Variants in VPS13B observed in about 807,000 individuals in gnomAD.
VPS13B encodes vacuolar protein sorting 13 homolog B.
In VPS13B, 285 loss-of-function variants were observed where a neutral mutation model predicts 426.4. The observed-to-expected ratio is 0.67, with a 90% CI of 0.61 to 0.74. The LOEUF is 0.74. Ranked by LOEUF, VPS13B falls within the 30% of genes least tolerant of loss-of-function variation. VPS13B has a pLI of 0.00. For synonymous variants in VPS13B, 1,676 were observed against 1,676.4 expected, an observed-to-expected ratio of 1.00 and a Z score of 0.01; for missense variants, 4,537 against 4,782.6, an observed-to-expected ratio of 0.95 and a Z score of 1.51.
Position 99,286,971 on chromosome 8 carries a change from A to T in VPS13B, c.2824+11717A>T, listed in dbSNP as rs544235698. 5.9e-5 allele frequency among the ~76,000 whole-genome samples: 9 copies of T among 152,238 alleles called. No homozygotes were observed. In the East Asian group the frequency reaches 1.5e-3, roughly 26 times the overall value. ...ACCTTAACTTGAGTTTTACTTTTCA[A>T]ATATTGCCGTACTAGGTTCCTTTCA... On this transcript the variant is annotated intron_variant, in intron 19 of 61. Transcript: ENST00000357162.
intron 39 of VPS13B, among the ~76,000 whole-genome samples, chr8:99,740,679 A>G (rs1809666769): frequency 6.6e-6 from 1 of 152,216 alleles, no homozygotes; most frequent in Non-Finnish European, 1.5e-5. Context: ...CAACATTCTT[A>G]AAGAAAAGAA....
intron 14 of VPS13B, among the ~76,000 whole-genome samples, chr8:99,148,499 ATAAACT>A (rs1346928820): frequency 1.1e-4 from 17 of 152,154 alleles, no homozygotes; most frequent in South Asian, 4.1e-4. Flanking sequence ...TTTTAATAAA[ATAAACT>A]TAATCTTGAG....
intron 23 of VPS13B, among the ~76,000 whole-genome samples, chr8:99,443,481 A>G (rs770538534): frequency 6.6e-6 from 1 of 152,172 alleles, no homozygotes; most frequent in Non-Finnish European, 1.5e-5. Context: ...TCATTAAAAG[A>G]AAACATGATT....
intron 29 of VPS13B, among the ~76,000 whole-genome samples, chr8:99,518,246 A>G (rs1217546354): frequency 6.6e-6 from 1 of 152,160 alleles, no homozygotes; most frequent in African/African-American, 2.4e-5. Flanking sequence ...AAATATACTA[A>G]TTGCACCTTT....
chr8:99,166,045 T>C (rs1254955235), intron 15 of VPS13B, among the ~76,000 whole-genome samples: 1 of 152,232 alleles, frequency 6.6e-6, no homozygotes, highest in Non-Finnish European at 1.5e-5. Context: ...AATGGCACGA[T>C]CTTGGCTCAC....
chr8:99,500,455 A>G lies in VPS13B; in HGVS notation c.3871-1232A>G, dbSNP rs541353317. On this transcript the variant is annotated intron_variant, in intron 25 of 61. Coordinates refer to ENST00000357162, the MANE Select transcript of VPS13B (RefSeq NM_152564.5). The stretch of plus-strand genomic sequence containing the variant: ...TTCTATGTGTATATTCTTCATTCAC[A>G]TTCATATTTCTATTTAATCTTAACT... Among the ~76,000 whole-genome samples, 8 of 152,284 alleles carry G rather than the reference A, an allele frequency of 5.3e-5. No individual in the cohort carries two copies. The South Asian group carries it at 1.5e-3, about 28-fold the overall frequency.
At chr8:99,784,088 T>G (rs1209746411) in intron 42 of VPS13B, among the ~76,000 whole-genome samples, 2 of 152,202 alleles carry the variant, frequency 1.3e-5, no homozygotes, top group East Asian at 3.8e-4. Flanking sequence ...ATGATTTATT[T>G]TGAGGGAGTA....
chr8:99,188,349 T>G (rs1295090346), intron 16 of VPS13B, among the ~76,000 whole-genome samples: 1 of 152,210 alleles, frequency 6.6e-6, no homozygotes, highest in Admixed American at 6.5e-5. Context: ...CTTTTTGGTC[T>G]GACTTCTTTC....
Position 99,870,802 on chromosome 8 carries a change from G to A in VPS13B, c.11410G>A (p.Gly3804Arg). 1.2e-6 allele frequency: 2 copies of A among 1,614,130 alleles called. No individual in the cohort carries two copies. Among genetic ancestry groups the A allele is most frequent in the Non-Finnish European group, 1.7e-6 (2 of 1,180,002 alleles). Reference sequence around the variant, plus strand: ...TACCACAGGTATTTTACATGGAGCTGGACTTTCTCAGCTTCCCAAACAGCG... The same window carrying A: ...TACCACAGGTATTTTACATGGAGCTAGACTTTCTCAGCTTCCCAAACAGCG... The part of the protein sequence containing the change: ...QTGYGILHGA[G>R]LSQLPKQRHQ... The change falls in exon 60 of 62, where the codon GGA becomes AGA. Residue 3804 changes from glycine to arginine, a missense_variant. Gly to Arg is a moderately radical substitution (Grantham distance 125). Transcript: ENST00000357162.
At chr8:99,346,059 T>A (rs192801537) in intron 19 of VPS13B, 1 of 152,936 alleles carries the variant, frequency 6.5e-6, no homozygotes, top group East Asian at 1.9e-4. Context: ...AGCTTAGAGC[T>A]CAGTACTATA....
At chr8:99,485,712 C>G (rs1440417213) in intron 25 of VPS13B, among the ~76,000 whole-genome samples, 1 of 152,058 alleles carries the variant, frequency 6.6e-6, no homozygotes, top group Non-Finnish European at 1.5e-5. Context: ...TTCTTATAAT[C>G]AACAGATTAT....
At chr8:99,287,037 G>C (rs898373629) in intron 19 of VPS13B, among the ~76,000 whole-genome samples, 3 of 151,972 alleles carry the variant, frequency 2.0e-5, no homozygotes, top group African/African-American at 7.2e-5. Flanking sequence ...CCAGAATAAG[G>C]CTCATTTTGG....
At chr8:99,438,280 A>G (rs1041415297) in intron 22 of VPS13B, among the ~76,000 whole-genome samples, 4 of 152,132 alleles carry the variant, frequency 2.6e-5, no homozygotes, top group African/African-American at 9.7e-5. Flanking sequence ...CTAGGAAGTT[A>G]AATCTAGAGC....
At chr8:99,044,032 C>CTTCTT (rs1408359563) in intron 3 of VPS13B, among the ~76,000 whole-genome samples, 10 of 148,948 alleles carry the variant, frequency 6.7e-5, no homozygotes, top group African/African-American at 2.2e-4. Context: ...CCCTCTCTAG[C>CTTCTT]TTCTTTTCTT....
intron 19 of VPS13B, among the ~76,000 whole-genome samples, chr8:99,370,017 A>G (rs544435154): frequency 6.6e-6 from 1 of 152,340 alleles, no homozygotes; most frequent in East Asian, 1.9e-4. Context: ...GATTTGAAGC[A>G]TACTTTACAA....
At chr8:99,135,285 C>G in intron 10 of VPS13B, 148 bp downstream of exon 10, 2 of 1,279,754 alleles carry the variant, frequency 1.6e-6, no homozygotes, top group Non-Finnish European at 2.1e-6. Flanking sequence ...GTTTCACCTG[C>G]CAGAAATTAT....
intron 21 of VPS13B, among the ~76,000 whole-genome samples, chr8:99,429,273 A>G (rs542642441): frequency 2.7e-4 from 40 of 150,626 alleles, no homozygotes; most frequent in Non-Finnish European, 5.0e-4. Context: ...TAAAACTTAA[A>G]GTATAATAAC....
intron 33 of VPS13B, among the ~76,000 whole-genome samples, chr8:99,600,816 G>C (rs377231022): frequency 6.6e-6 from 1 of 152,110 alleles, no homozygotes. Context: ...ATGTTTGCTT[G>C]TAGGCATCAG....
intron 39 of VPS13B, among the ~76,000 whole-genome samples, chr8:99,731,912 G>A (rs988364145): frequency 6.6e-6 from 1 of 152,112 alleles, no homozygotes; most frequent in Admixed American, 6.6e-5. Context: ...AATCAACCCT[G>A]CAGAGAAAGT....
Sources: allele counts gnomAD v4.1 joint callset (sites outside exome capture counted in the v4.1 genomes callset), GRCh38; gene constraint gnomAD v4.1.1; transcripts MANE v1.5; gene names NCBI Gene and HGNC (gene_info 2026-07-23, HGNC 2026-07-21).